The following TET3 variants were observed in gnomAD, a reference collection of about 807,000 sequenced individuals.
TET3 encodes the protein tet methylcytosine dioxygenase 3.
In TET3, 19 loss-of-function variants were observed where a neutral mutation model predicts 141.4. The observed-to-expected ratio is 0.13, with a 90% CI of 0.09 to 0.20. The LOEUF (loss-of-function observed/expected upper bound fraction) is 0.20, where lower values mean the gene tolerates loss of function less well. Ranked by LOEUF, TET3 falls within the 10% of genes least tolerant of loss-of-function variation. TET3 has a pLI of 1.00. For synonymous variants in TET3, 1,043 were observed against 980.9 expected (o/e 1.06, Z -1.18); for missense variants, 1,874 against 2,356.9 (o/e 0.80, Z 4.24).
chr2:74,005,710 T>C (rs1410466831), intron 3 of TET3, among the ~76,000 whole-genome samples: 2 of 152,084 alleles, frequency 1.3e-5, no homozygotes, highest in African/African-American at 4.8e-5. Flanking sequence ...TAGACACATA[T>C]ACGATGTGCT....
intron 4 of TET3, among the ~76,000 whole-genome samples, chr2:74,061,779 G>C (rs1336222699): frequency 7.0e-6 from 1 of 143,464 alleles, no homozygotes; most frequent in Non-Finnish European, 1.5e-5. Flanking sequence ...CCTCCCAGAC[G>C]GGGTCGCGGC....
chr2:74,131,570 A>G, the TET3 span, among the ~76,000 whole-genome samples: 1 of 152,142 alleles, frequency 6.6e-6, no homozygotes, highest in African/African-American at 2.4e-5. Flanking sequence ...GAGGGGCACT[A>G]CAGGAACCCA....
chr2:74,020,061 C>G (rs1032219370), intron 3 of TET3, among the ~76,000 whole-genome samples: 1 of 152,188 alleles, frequency 6.6e-6, no homozygotes, highest in Non-Finnish European at 1.5e-5. Flanking sequence ...GTCACCTTCT[C>G]TCATATGGTA....
At chr2:74,072,511 T>TAA (rs756082699) in intron 4 of TET3, among the ~76,000 whole-genome samples, 73 of 131,240 alleles carry the variant, frequency 5.6e-4, no homozygotes, top group African/African-American at 1.8e-3. Flanking sequence ...AAACTCCATC[T>TAA]AAAAAAAAAA....
In TET3 at chr2:74,047,056, C is replaced by G. The variant is rs1687667022; in HGVS notation, c.1139C>G (p.Ala380Gly). ...LPQPSHSTPQASCPLPEALSP... is the reference protein window; with the variant it reads ...LPQPSHSTPQGSCPLPEALSP... The stretch of plus-strand genomic sequence containing the variant: ...CAGCCTTCTCATTCCACCCCCCAGG[C>G]TTCTTGCCCCCTTCCTGAGGCCTTG... The change falls in exon 4 of 12, where the codon GCT becomes GGT. Residue 380 changes from alanine (A) to glycine (G), a missense_variant. Ala to Gly is a moderately conservative substitution (Grantham distance 60). Transcript: ENST00000409262. 6.2e-7 allele frequency: 1 copy of G among 1,613,870 alleles called. No homozygotes were observed. The highest frequency in any genetic ancestry group is 8.5e-7 in the Non-Finnish European group (1 of 1,179,874).
At chr2:74,124,503 T>TGTGGGGAAAA in the TET3 span, among the ~76,000 whole-genome samples, 1 of 152,048 alleles carries the variant, frequency 6.6e-6, no homozygotes, top group African/African-American at 2.4e-5. Flanking sequence ...AAGGGGGAAA[T>TGTGGGGAAAA]GTGGGGAAAA....
chr2:74,119,745 T>C, the TET3 span, among the ~76,000 whole-genome samples: 6 of 152,228 alleles, frequency 3.9e-5, no homozygotes, highest in African/African-American at 1.4e-4. Flanking sequence ...ATTACCACGA[T>C]TGCTGCAAAA....
At position 74,046,486 on chromosome 2, in the gene TET3, A is replaced by G; in HGVS notation, c.569A>G (p.His190Arg). ...PDWEAAPGPA[H>R]TARLEDAHDL... ...TGGGAGGCTGCCCCAGGCCCAGCTC[A>G]TACTGCTCGCCTGGAAGATGCCCAC... The change falls in exon 4 of 12, where the codon CAT becomes CGT. Residue 190 changes from histidine to arginine, a missense_variant. Transcript: ENST00000409262. The surrounding 1 kb of genome is among the most constrained non-coding windows in gnomAD (Gnocchi z 4.3). The G allele has an allele frequency of 6.2e-7, 1 of 1,613,800 alleles. No individual in the cohort carries two copies. The highest frequency in any genetic ancestry group is 1.1e-5 in the South Asian group (1 of 91,072).
chr2:73,999,812 G>T (rs956823122), intron 2 of TET3, among the ~76,000 whole-genome samples: 2 of 152,186 alleles, frequency 1.3e-5, no homozygotes, highest in Non-Finnish European at 2.9e-5. Flanking sequence ...ATACCGGCTG[G>T]AGGCAGAGTG....
intron 5 of TET3, among the ~76,000 whole-genome samples, chr2:74,075,029 C>T (rs1689422393): frequency 6.6e-6 from 1 of 152,132 alleles, no homozygotes; most frequent in Admixed American, 6.5e-5. Context: ...TGCCACCACG[C>T]CTGGCTAATT....
Position 74,046,716 on chromosome 2 carries a change from A to T in TET3, c.799A>T (p.Met267Leu), listed in dbSNP as rs1200705006. ...QTALALARHG[M>L]KPPNCNCDGP... ...GGCCCTGGCCCTCGCGCGGCATGGTATGAAACCACCCAACTGCAACTGCGA... is the reference window on the plus strand; with the variant it reads ...GGCCCTGGCCCTCGCGCGGCATGGTTTGAAACCACCCAACTGCAACTGCGA... Residue 267 changes from methionine to leucine, a missense_variant, in exon 4 of 12, where the codon ATG becomes TTG. Met to Leu is a conservative substitution (Grantham distance 15). Transcript: ENST00000409262. The surrounding 1 kb of genome is among the most constrained non-coding windows in gnomAD (Gnocchi z 4.3). The T allele has an allele frequency of 3.7e-6, 6 of 1,613,960 alleles. No homozygotes were observed. The highest frequency in any genetic ancestry group is 5.1e-6 in the Non-Finnish European group (6 of 1,179,870).
In TET3 at chr2:74,048,181, A is replaced by G; in HGVS notation, c.2264A>G (p.Lys755Arg). 1.2e-6 allele frequency: 2 copies of G among 1,612,692 alleles called. No homozygotes were observed. Among genetic ancestry groups the G allele is most frequent in the South Asian group, 1.1e-5 (1 of 90,922 alleles). The change falls in exon 4 of 12, where the codon AAG (lysine) becomes AGG (arginine). Residue 755 changes from lysine (K) to arginine (R), a missense_variant. By Grantham distance (26) the Lys-to-Arg change is conservative. Around this residue, in one of 10 missense-constraint regions of TET3, gnomAD observed 83 missense variants for 107.0 expected, o/e 0.78. Transcript: ENST00000409262. ...AGCCCCTTTGCTACCCGTTCCCCCA[A>G]GCAAATCAAGATTGAGTCTTCGGGG... ...PESPFATRSP[K>R]QIKIESSGAV...
In TET3 at chr2:74,102,356, C is replaced by T. The variant is rs966413657; in HGVS notation, c.*180C>T. On this transcript the variant is annotated 3_prime_UTR_variant, in exon 12 of 12. Coordinates refer to ENST00000409262, the MANE Select transcript of TET3 (RefSeq NM_001287491.2). ...TCCAAACCTCAGAACTGACCCGCCCCTCCCTTACCCCCACTTCCCCAGCAC... is the reference window on the plus strand; with the variant it reads ...TCCAAACCTCAGAACTGACCCGCCCTTCCCTTACCCCCACTTCCCCAGCAC... 2.1e-6 allele frequency: 2 copies of T among 960,264 alleles called. No individual in the cohort carries two copies. The highest frequency in any genetic ancestry group is 3.4e-5 in the African/African-American group (2 of 59,084). The allele number at this position is 960,264 out of a possible 1,614,324, so 59.5% of individuals were successfully genotyped here.
At chr2:74,071,064 C>T (rs1299315766) in intron 4 of TET3, among the ~76,000 whole-genome samples, 1 of 152,162 alleles carries the variant, frequency 6.6e-6, no homozygotes, top group Non-Finnish European at 1.5e-5. Flanking sequence ...GATCAAGGCA[C>T]CAGCAGATCT....
intron 4 of TET3, among the ~76,000 whole-genome samples, chr2:74,061,256 T>G (rs1321248337): frequency 1.1e-5 from 1 of 94,754 alleles, no homozygotes; most frequent in Non-Finnish European, 2.1e-5. Context: ...ACCCCCCCAC[T>G]TCCCTCCCGG....
chr2:74,001,137 C>G (rs1403167247), intron 2 of TET3, among the ~76,000 whole-genome samples: 1 of 152,116 alleles, frequency 6.6e-6, no homozygotes, highest in Non-Finnish European at 1.5e-5. Flanking sequence ...CCCTCCCTGC[C>G]CTGTGTTCCC....
downstream of TET3, among the ~76,000 whole-genome samples, chr2:74,109,257 A>G (rs1691644871): frequency 6.6e-6 from 1 of 152,198 alleles, no homozygotes; most frequent in Non-Finnish European, 1.5e-5. Flanking sequence ...TACAAGTTCC[A>G]TGTTAAATAT....
At chr2:74,019,566 T>C (rs1685918502) in intron 3 of TET3, among the ~76,000 whole-genome samples, 1 of 152,216 alleles carries the variant, frequency 6.6e-6, no homozygotes, top group Non-Finnish European at 1.5e-5. Context: ...CTCCATTTCA[T>C]GTCACCAGTA....
At chr2:74,124,271 C>T in the TET3 span, among the ~76,000 whole-genome samples, 31,052 of 146,592 alleles carry the variant, frequency 0.21, 3,521 homozygotes, top group East Asian at 0.4. Context: ...GGTGGGGGGT[C>T]AGCCCCCGCC....
Sources: allele counts gnomAD v4.1 joint callset (sites outside exome capture counted in the v4.1 genomes callset), GRCh38; gene constraint gnomAD v4.1.1; regional missense constraint gnomAD v4.1.1; non-coding constraint Gnocchi (gnomAD v3.1); transcripts MANE v1.5; gene names NCBI Gene and HGNC (gene_info 2026-07-23, HGNC 2026-07-21).